The following CACNA1C variants were observed in gnomAD, a reference collection of about 807,000 sequenced individuals.
CACNA1C encodes the protein voltage-dependent L-type calcium channel subunit alpha-1C.
CACNA1C carries 30 observed loss-of-function variants against 229.0 expected under a neutral mutation model. That is an observed-to-expected ratio of 0.13 (90% CI 0.10 to 0.18). CACNA1C has a LOEUF of 0.18. Ranked by LOEUF, CACNA1C falls within the 10% of genes least tolerant of loss-of-function variation. The pLI, the probability that CACNA1C is intolerant of heterozygous loss-of-function variation, is 1.00. For synonymous variants in CACNA1C, 1,114 were observed against 1,132.5 expected, an observed-to-expected ratio of 0.98 and a Z score of 0.33; for missense variants, 1,658 against 2,845.0, an observed-to-expected ratio of 0.58 and a Z score of 9.49.
At chr12:2,599,675 A>T (rs2070863847) in intron 21 of CACNA1C, among the ~76,000 whole-genome samples, 1 of 152,064 alleles carries the variant, frequency 6.6e-6, no homozygotes, top group South Asian at 2.1e-4. Flanking sequence ...CTTCCCAAGT[A>T]ATGGTGTAGA....
intron 3 of CACNA1C, among the ~76,000 whole-genome samples, chr12:2,199,226 G>A (rs946141233): frequency 6.6e-6 from 1 of 152,046 alleles, no homozygotes; most frequent in African/African-American, 2.4e-5. Context: ...CCTCAGGGAC[G>A]TTGCACTTGC....
chr12:2,208,945 C>G (rs1399151585), intron 3 of CACNA1C, among the ~76,000 whole-genome samples: 1 of 152,218 alleles, frequency 6.6e-6, no homozygotes, highest in African/African-American at 2.4e-5. Flanking sequence ...TGCTCCAGCA[C>G]TGTGATCCCT....
At chr12:2,591,540 T>C (rs1329784256) in intron 18 of CACNA1C, among the ~76,000 whole-genome samples, 1 of 152,114 alleles carries the variant, frequency 6.6e-6, no homozygotes, top group Non-Finnish European at 1.5e-5. Flanking sequence ...GAAAGGTCAT[T>C]CCCTGGAGCG....
chr12:2,379,408 A>G (rs1191272460), intron 3 of CACNA1C, among the ~76,000 whole-genome samples: 2 of 152,196 alleles, frequency 1.3e-5, no homozygotes, highest in Non-Finnish European at 2.9e-5. Flanking sequence ...ACATTTTAGC[A>G]TAAGTGGAAA....
rs1306151879 is a variant in CACNA1C at position 2,400,173 on chromosome 12, AG to A, written c.478-48802del. 8.6e-4 allele frequency among the ~76,000 whole-genome samples: 131 copies of A among 152,340 alleles called. 2 individuals are homozygous for A. Among genetic ancestry groups the A allele is most frequent in the African/African-American group, 2.7e-3 (113 of 41,574 alleles). ...ATATTAAATCCATTTTACACAGCTA[AG>A]AACTGAGGCTCGGGAAAGTTAAATA... On this transcript the variant is annotated intron_variant, in intron 3 of 46. Transcript: ENST00000399655.
At chr12:2,561,109 A>G (rs2047248868) in intron 11 of CACNA1C, among the ~76,000 whole-genome samples, 1 of 152,172 alleles carries the variant, frequency 6.6e-6, no homozygotes, top group Admixed American at 6.5e-5. Flanking sequence ...CAACCGTGCC[A>G]TCAGCCAGGG....
At chr12:2,112,059 G>C (rs1432528016) in intron 1 of CACNA1C, among the ~76,000 whole-genome samples, 1 of 152,228 alleles carries the variant, frequency 6.6e-6, no homozygotes, top group Non-Finnish European at 1.5e-5. Flanking sequence ...TGCATGTGGA[G>C]TGTGTGAGAG....
chr12:2,268,691 C>A (rs968133696), intron 3 of CACNA1C, among the ~76,000 whole-genome samples: 4 of 152,232 alleles, frequency 2.6e-5, no homozygotes, highest in Non-Finnish European at 4.4e-5. Context: ...GGCATTTAGA[C>A]CAAACCACGG....
chr12:2,271,838 G>T lies in CACNA1C; in HGVS notation c.477+151408G>T, dbSNP rs143207936. On this transcript the variant is annotated intron_variant, in intron 3 of 46. Coordinates refer to ENST00000399655, the MANE Select transcript of CACNA1C (RefSeq NM_000719.7). ...CTGGGCCCAGGAGTTTGAGGCTGCA[G>T]TGAGCTGTGATCACACCACTGTACT... 4.6e-3 allele frequency among the ~76,000 whole-genome samples: 704 copies of T among 152,258 alleles called. 2 individuals are homozygous for T. Among genetic ancestry groups the T allele is most frequent in the Non-Finnish European group, 8.0e-3 (546 of 68,024 alleles).
intron 1 of CACNA1C, among the ~76,000 whole-genome samples, chr12:2,031,005 C>T (rs1359896598): frequency 6.7e-6 from 1 of 149,216 alleles, no homozygotes; most frequent in Non-Finnish European, 1.5e-5. Context: ...GTGTGTGCTG[C>T]TAGAAGGCAA....
At chr12:2,095,744 C>T (rs892421365) in intron 1 of CACNA1C, among the ~76,000 whole-genome samples, 1 of 152,110 alleles carries the variant, frequency 6.6e-6, no homozygotes, top group African/African-American at 2.4e-5. Flanking sequence ...CAGACGCCCA[C>T]AGAAGAGGAG....
rs1442970805 is a variant in CACNA1C, at chr12:2,601,548, G to A, written c.2854-306G>A. Among the ~76,000 whole-genome samples the A allele has an allele frequency of 1.3e-5, 2 of 152,296 alleles. No individual in the cohort carries two copies. The highest frequency in any genetic ancestry group is 1.3e-4 in the Admixed American group (2 of 15,302). ...ATGGACTTGGGATGTGGAACAGTGCGAAATTAGAGTGGGATGGTGGGGCCC... is the reference window on the plus strand; with the variant it reads ...ATGGACTTGGGATGTGGAACAGTGCAAAATTAGAGTGGGATGGTGGGGCCC... On this transcript the variant is annotated intron_variant, in intron 21 of 46. Coordinates refer to ENST00000399655, the MANE Select transcript of CACNA1C (RefSeq NM_000719.7). The surrounding 1 kb of genome is among the most constrained non-coding windows in gnomAD (Gnocchi z 5.9).
At chr12:2,024,255 G>A (rs2046943291) in intron 1 of CACNA1C, among the ~76,000 whole-genome samples, 1 of 152,322 alleles carries the variant, frequency 6.6e-6, no homozygotes, top group African/African-American at 2.4e-5. Context: ...TGACTTCCAC[G>A]TATGGCCCAG....
intron 3 of CACNA1C, among the ~76,000 whole-genome samples, chr12:2,236,605 A>C (rs1372244950): frequency 6.6e-6 from 1 of 152,070 alleles, no homozygotes; most frequent in Non-Finnish European, 1.5e-5. Flanking sequence ...CTTCTAGGCT[A>C]CTTTAGTCCT....
chr12:2,052,029 C>G (rs1030660858), upstream of CACNA1C, among the ~76,000 whole-genome samples: 2 of 152,146 alleles, frequency 1.3e-5, no homozygotes, highest in East Asian at 1.9e-4. Flanking sequence ...AAAGGGATCA[C>G]GAAGCCCCAC....
chr12:2,206,737 C>T (rs2097766895), intron 3 of CACNA1C, among the ~76,000 whole-genome samples: 3 of 152,274 alleles, frequency 2.0e-5, no homozygotes, highest in South Asian at 2.1e-4. Flanking sequence ...ACTAGGTAGT[C>T]CATAGGTGCA....
Position 2,605,084 on chromosome 12 carries a change from C to T in CACNA1C, c.2964C>T (p.Ser988=). Residue 988 remains serine (S), a synonymous_variant, in exon 23 of 47, where the codon TCC becomes TCT. Transcript: ENST00000399655. The surrounding 1 kb of genome is among the most constrained non-coding windows in gnomAD (Gnocchi z 6.2). The part of the protein sequence containing the change: ...SVSLISFGIQ[S]SAINVVKILR... ...CCTGCCTGTTTCCCTCTCCCAGGTCCAGTGCAATCAATGTCGTGAAGATCT... is the reference window on the plus strand; with the variant it reads ...CCTGCCTGTTTCCCTCTCCCAGGTCTAGTGCAATCAATGTCGTGAAGATCT... 6.2e-7 allele frequency: 1 copy of T among 1,613,224 alleles called. No homozygotes were observed. Among genetic ancestry groups the T allele is most frequent in the Non-Finnish European group, 8.5e-7 (1 of 1,179,194 alleles).
intron 3 of CACNA1C, among the ~76,000 whole-genome samples, chr12:2,368,049 T>C (rs1295328893): frequency 6.6e-6 from 1 of 152,220 alleles, no homozygotes; most frequent in Admixed American, 6.5e-5. Flanking sequence ...TATTCAATGC[T>C]GGGAAATTTA....
intron 3 of CACNA1C, among the ~76,000 whole-genome samples, chr12:2,150,878 G>T (rs950134777): frequency 6.6e-6 from 1 of 152,184 alleles, no homozygotes; most frequent in Admixed American, 6.5e-5. Context: ...GTGCACTTGG[G>T]AAATGCCTCT....
Sources: gnomAD v4.1 joint callset for allele counts (sites outside exome capture counted in the v4.1 genomes callset) on GRCh38, gnomAD v4.1.1 for gene constraint, Gnocchi (gnomAD v3.1) non-coding constraint, MANE v1.5 for transcripts, NCBI Gene and HGNC (gene_info 2026-07-23, HGNC 2026-07-21) for gene names.